MAML2: variants seen among roughly 807,000 people sequenced by gnomAD.
MAML2 encodes mastermind-like protein 2.
Under a neutral mutation model 96.1 loss-of-function variants are expected in MAML2, and 22 were observed. That is an observed-to-expected ratio of 0.23 (90% CI 0.16 to 0.33). The LOEUF (loss-of-function observed/expected upper bound fraction) is 0.33. MAML2 is among the 10% of genes least tolerant of loss of function. The pLI is 1.00. For missense variants in MAML2, 1,367 were observed against 1,392.4 expected (o/e 0.98, Z 0.29); for synonymous variants, 561 against 521.3 (o/e 1.08, Z -1.04).
chr11:96,090,698 T>C (rs1859689739), intron 2 of MAML2, among the ~76,000 whole-genome samples: 1 of 152,236 alleles, frequency 6.6e-6, no homozygotes, highest in Non-Finnish European at 1.5e-5. Flanking sequence ...AACACACTTC[T>C]TAAGTAGAAA....
intron 1 of MAML2, among the ~76,000 whole-genome samples, chr11:96,205,868 C>T (rs187325061): frequency 3.9e-5 from 6 of 152,338 alleles, no homozygotes; most frequent in Admixed American, 1.3e-4. Context: ...ACAGCTAATA[C>T]AGTTGAGCAT....
chr11:95,979,644 A>T lies in MAML2; in HGVS notation c.2775T>A (p.Phe925Leu), dbSNP rs778194987. ...GTGAATTACCAACAGATCCAGCTCC[A>T]AAAGTGGCTACATTGTTATTATTAC... ...GPSNNNNVAT[F>L]GAGSVGNSQQ... is the part of the protein sequence containing the mutation. The change falls in exon 5 of 5, where the codon TTT (phenylalanine) becomes TTA (leucine). Residue 925 changes from phenylalanine to leucine, a missense_variant. Coordinates refer to ENST00000524717, the MANE Select transcript of MAML2 (RefSeq NM_032427.4). 5 of 1,613,964 alleles carry T rather than the reference A, an allele frequency of 3.1e-6. No individual in the cohort carries two copies. The Admixed American group carries it at 8.3e-5, about 27-fold the overall frequency.
chr11:96,238,036 T>C lies in MAML2; in HGVS notation c.513+103347A>G, dbSNP rs1333752080. 2.0e-5 allele frequency among the ~76,000 whole-genome samples: 3 copies of C among 152,238 alleles called. 1 individual carries two copies. Among genetic ancestry groups the C allele is most frequent in the Admixed American group, 2.0e-4 (3 of 15,284 alleles). On this transcript the variant is annotated intron_variant, in intron 1 of 4. Transcript: ENST00000524717. ...CCGTGCCACCAAATTAGTACTTAAG[T>C]GGTTAAAGTAACCAAAGGAGCTTTT...
chr11:96,153,409 T>C (rs1363290228), intron 1 of MAML2, among the ~76,000 whole-genome samples: 1 of 152,238 alleles, frequency 6.6e-6, no homozygotes, highest in Admixed American at 6.5e-5. Context: ...CAAGTTATTG[T>C]AACATTCTGC....
chr11:96,159,166 A>C (rs2135886542), intron 1 of MAML2, among the ~76,000 whole-genome samples: 1 of 152,332 alleles, frequency 6.6e-6, no homozygotes, highest in African/African-American at 2.4e-5. Context: ...ATCAGTGGTC[A>C]GTTTTTACTT....
intron 1 of MAML2, among the ~76,000 whole-genome samples, chr11:96,146,549 A>G (rs1014406902): frequency 6.6e-6 from 1 of 152,214 alleles, no homozygotes; most frequent in South Asian, 2.1e-4. Context: ...GACCTTCAGC[A>G]TCTTCAACTG....
intron 1 of MAML2, among the ~76,000 whole-genome samples, chr11:96,157,039 T>C (rs1861020916): frequency 6.6e-6 from 1 of 152,206 alleles, no homozygotes; most frequent in Admixed American, 6.5e-5. Context: ...ATTGTTTCCC[T>C]GGCAGTGCTG....
chr11:96,275,458 A>G (rs948530277), intron 1 of MAML2, among the ~76,000 whole-genome samples: 1 of 151,774 alleles, frequency 6.6e-6, no homozygotes, highest in African/African-American at 2.4e-5. Flanking sequence ...TTGTATTTTT[A>G]GTAGAGATGG....
At position 96,093,133 on chromosome 11, in the gene MAML2, G is replaced by C. The variant is rs1473556023; in HGVS notation, c.898C>G (p.Gln300Glu). The change falls in exon 2 of 5, where the codon CAA becomes GAA. Residue 300 changes from glutamine to glutamate, a missense_variant. Transcript: ENST00000524717. ...PNRYGDDPGE[Q>E]LMDPELQELF... The stretch of plus-strand genomic sequence containing the variant: ...TCCTGCAGCTCAGGATCCATCAGTT[G>C]TTCTCCAGGGTCGTCTCCGTACCTA... 1.9e-6 allele frequency: 3 copies of C among 1,613,856 alleles called. No homozygotes were observed. Among genetic ancestry groups the C allele is most frequent in the Non-Finnish European group, 2.5e-6 (3 of 1,179,890 alleles).
At chr11:96,194,181 C>A (rs1861697484) in intron 1 of MAML2, among the ~76,000 whole-genome samples, 1 of 152,196 alleles carries the variant, frequency 6.6e-6, no homozygotes, top group African/African-American at 2.4e-5. Flanking sequence ...TCAATACATT[C>A]ATGCAAACAA....
intron 1 of MAML2, among the ~76,000 whole-genome samples, chr11:96,228,994 C>T (rs1384549464): frequency 6.6e-6 from 1 of 151,298 alleles, no homozygotes; most frequent in Non-Finnish European, 1.5e-5. Flanking sequence ...GCTCCCTAGT[C>T]TCTCACCTCC....
At chr11:96,001,675 G>GT (rs1858080837) in intron 2 of MAML2, among the ~76,000 whole-genome samples, 1 of 152,122 alleles carries the variant, frequency 6.6e-6, no homozygotes, top group Non-Finnish European at 1.5e-5. Context: ...ATTTATGAAA[G>GT]TAATAAAATG....
At chr11:96,180,424 C>A (rs1375984404) in intron 1 of MAML2, among the ~76,000 whole-genome samples, 2 of 152,150 alleles carry the variant, frequency 1.3e-5, no homozygotes, top group Non-Finnish European at 2.9e-5. Flanking sequence ...TTTCAGGATG[C>A]TTATGCTGGG....
chr11:96,238,749 G>C (rs1490206500), intron 1 of MAML2, among the ~76,000 whole-genome samples: 1 of 152,244 alleles, frequency 6.6e-6, no homozygotes, highest in Non-Finnish European at 1.5e-5. Flanking sequence ...AACAGAGCTT[G>C]TCAGATAAAT....
At chr11:95,987,648 T>A (rs973131840) in intron 3 of MAML2, among the ~76,000 whole-genome samples, 1 of 152,256 alleles carries the variant, frequency 6.6e-6, no homozygotes, top group South Asian at 2.1e-4. Flanking sequence ...CCCATCACAT[T>A]CCAAACCTTC....
At chr11:96,185,352 C>CA (rs1861557338) in intron 1 of MAML2, among the ~76,000 whole-genome samples, 1 of 152,178 alleles carries the variant, frequency 6.6e-6, no homozygotes, top group Non-Finnish European at 1.5e-5. Flanking sequence ...GACCAGGTGT[C>CA]ACACTGTAGG....
At chr11:96,127,197 A>T (rs764743008) in intron 1 of MAML2, among the ~76,000 whole-genome samples, 1 of 151,694 alleles carries the variant, frequency 6.6e-6, no homozygotes, top group Non-Finnish European at 1.5e-5. Flanking sequence ...AGTGTGCACA[A>T]GGAAATCATG....
At chr11:96,188,642 G>GT (rs59712583) in intron 1 of MAML2, among the ~76,000 whole-genome samples, 23,269 of 148,192 alleles carry the variant, frequency 0.16, 1,907 homozygotes, top group East Asian at 0.2. Context: ...GAGGAAGTCA[G>GT]TTTTTTTTTT....
At chr11:96,091,313 G>C (rs760717388) in intron 2 of MAML2, among the ~76,000 whole-genome samples, 19 of 152,064 alleles carry the variant, frequency 1.2e-4, no homozygotes, top group Non-Finnish European at 2.6e-4. Context: ...TAAAAATCCC[G>C]TCTCCCTTTC....
Sources: gnomAD v4.1 joint callset for allele counts (sites outside exome capture counted in the v4.1 genomes callset) on GRCh38, gnomAD v4.1.1 for gene constraint, MANE v1.5 for transcripts, NCBI Gene and HGNC (gene_info 2026-07-23, HGNC 2026-07-21) for gene names.